The following SAPCD1 variants were observed in gnomAD, a reference collection of about 807,000 sequenced individuals.
The protein encoded by SAPCD1 is suppressor APC domain-containing protein 1.
A neutral mutation model predicts 20.7 loss-of-function variants in SAPCD1; 16 were observed. The ratio of observed to expected loss-of-function variants is 0.77; its 90% confidence interval spans 0.52 to 1.17. The LOEUF (loss-of-function observed/expected upper bound fraction) is 1.17. SAPCD1 is among the 50% of genes most tolerant of loss of function. The pLI is 0.00. For missense variants in SAPCD1, 173 were observed against 209.9 expected, an observed-to-expected ratio of 0.82 and a Z score of 1.09; for synonymous variants, 77 against 84.8, an observed-to-expected ratio of 0.91 and a Z score of 0.50.
At chr6:31,762,784 C>A, upstream of SAPCD1, 1 of 547,958 alleles carries the variant, frequency 1.8e-6, no homozygotes, top group East Asian at 3.0e-5. Flanking sequence ...AGTGTTGTTG[C>A]TGTAGGAAGA....
At position 31,763,200 on chromosome 6, in the gene SAPCD1, G is replaced by C; in HGVS notation, c.114+32G>C. ...ATCAGCCCAACAAGAGGTCCCAGGG[G>C]AACTCTCTCAATAGATCTGCCCTTT... On this transcript the variant is annotated intron_variant, in intron 1 of 4. Coordinates refer to ENST00000415669, the Ensembl canonical transcript of SAPCD1. This position sits in a 1 kb window ranked among gnomAD's most constrained non-coding sequence, Gnocchi z 4.9. 7.4e-7 allele frequency: 1 copy of C among 1,343,982 alleles called. No homozygotes were observed. The highest frequency in any genetic ancestry group is 1.0e-6 in the Non-Finnish European group (1 of 967,676). 83.3% of individuals were successfully genotyped at this position (1,343,982 alleles called of 1,614,324 possible). A position where few individuals can be genotyped will look rare whatever the true frequency, so the allele number is the denominator to read the frequency against.
Position 31,763,494 on chromosome 6 carries a change from G to A in SAPCD1, c.194G>A (p.Trp65Ter). The A allele has an allele frequency of 6.2e-7, 1 of 1,612,988 alleles. No individual in the cohort carries two copies. The highest frequency in any genetic ancestry group is 8.5e-7 in the Non-Finnish European group (1 of 1,179,996). The change falls in exon 2 of 5, where the codon TGG (tryptophan) becomes TAG (stop). Residue 65 changes from tryptophan (W) to a stop codon, truncating the protein, a stop_gained. Coordinates refer to ENST00000415669, the Ensembl canonical transcript of SAPCD1. LOFTEE classifies it high-confidence loss of function. The surrounding 1 kb of genome is among the most constrained non-coding windows in gnomAD (Gnocchi z 4.9). ...GAGCTGCTACAGCATGGCCAGGCCT[G>A]GTTTGAAGACCATCTGAGGGAGGCA...
rs1205249232 is a variant in SAPCD1 at position 31,763,245 on chromosome 6, G to A, written c.114+77G>A. On this transcript the variant is annotated intron_variant, in intron 1 of 4. Transcript: ENST00000415669. The surrounding 1 kb of genome is among the most constrained non-coding windows in gnomAD (Gnocchi z 4.9). ...CCCTTTATATTTCCATTCAACTTGAGGGCCCACAGTGTTCCCGCCTGCCTC... is the reference window on the plus strand; with the variant it reads ...CCCTTTATATTTCCATTCAACTTGAAGGCCCACAGTGTTCCCGCCTGCCTC... 2 of 1,195,656 alleles carry A rather than the reference G, an allele frequency of 1.7e-6. No individual in the cohort carries two copies. Among genetic ancestry groups the A allele is most frequent in the Non-Finnish European group, 2.4e-6 (2 of 836,022 alleles). The allele number at this position is 1,195,656 out of a possible 1,614,324, so 74.1% of individuals were successfully genotyped here. A position where few individuals can be genotyped will look rare whatever the true frequency, so the allele number is the denominator to read the frequency against.
Position 31,763,719 on chromosome 6 carries a change from T to C in SAPCD1, c.255+164T>C, listed in dbSNP as rs1811244269. 2.9e-6 allele frequency: 2 copies of C among 679,678 alleles called. No individual in the cohort carries two copies. Among genetic ancestry groups the C allele is most frequent in the Non-Finnish European group, 4.9e-6 (2 of 407,190 alleles). 42.1% of individuals were successfully genotyped at this position (679,678 alleles called of 1,614,324 possible). A position where few individuals can be genotyped will look rare whatever the true frequency, so the allele number is the denominator to read the frequency against. On this transcript the variant is annotated intron_variant, in intron 2 of 4. Coordinates refer to ENST00000415669, the Ensembl canonical transcript of SAPCD1. The surrounding 1 kb of genome is among the most constrained non-coding windows in gnomAD (Gnocchi z 4.9). ...TGACAGGATGCCACCAAGTGTTAAG[T>C]TGGTGTTCATTGTTGGGGCTGGAGG... is the stretch of plus-strand genomic sequence containing the variant.
chr6:31,763,234 A>T lies in SAPCD1; in HGVS notation c.114+66A>T. ...CAATAGATCTGCCCTTTATATTTCC[A>T]TTCAACTTGAGGGCCCACAGTGTTC... is the stretch of plus-strand genomic sequence containing the variant. On this transcript the variant is annotated intron_variant, in intron 1 of 4. Transcript: ENST00000415669. The surrounding 1 kb of genome is among the most constrained non-coding windows in gnomAD (Gnocchi z 4.9). 1 of 1,215,330 alleles carries T rather than the reference A, an allele frequency of 8.2e-7. No individual in the cohort carries two copies. Among genetic ancestry groups the T allele is most frequent in the Non-Finnish European group, 1.2e-6 (1 of 855,242 alleles). 75.3% of individuals were successfully genotyped at this position (1,215,330 alleles called of 1,614,324 possible). A position where few individuals can be genotyped will look rare whatever the true frequency, so the allele number is the denominator to read the frequency against.
Position 31,764,476 on chromosome 6 carries a change from A to T in SAPCD1, c.482A>T (p.Glu161Val). 6.2e-7 allele frequency: 1 copy of T among 1,614,152 alleles called. No homozygotes were observed. The highest frequency in any genetic ancestry group is 1.3e-5 in the African/African-American group (1 of 75,056). The stretch of plus-strand genomic sequence containing the variant: ...CAGAAAGGAGTCACCCAGCCAAAGG[A>T]GGAGATGGCTCAGCGGGGCTGCACC... The change falls in exon 5 of 5, where the codon GAG becomes GTG. Residue 161 changes from glutamate (E) to valine (V), a missense_variant. Coordinates refer to ENST00000415669, the Ensembl canonical transcript of SAPCD1. This position sits in a 1 kb window ranked among gnomAD's most constrained non-coding sequence, Gnocchi z 4.7.
Position 31,763,357 on chromosome 6 carries a change from C to T in SAPCD1, c.115-58C>T. 6.2e-7 allele frequency: 1 copy of T among 1,607,092 alleles called. No homozygotes were observed. The highest frequency in any genetic ancestry group is 8.5e-7 in the Non-Finnish European group (1 of 1,175,116). ...CCCAACTAGGGGTGGAGAGAAAGGG[C>T]CATAACCCAGAGCCCTACTGTGGCG... is the stretch of plus-strand genomic sequence containing the variant. On this transcript the variant is annotated intron_variant, in intron 1 of 4. Coordinates refer to ENST00000415669, the Ensembl canonical transcript of SAPCD1. This position sits in a 1 kb window ranked among gnomAD's most constrained non-coding sequence, Gnocchi z 4.9.
chr6:31,763,123 G>A lies in SAPCD1; in HGVS notation c.69G>A (p.Leu23=). The change falls in exon 1 of 5, where the codon CTG becomes CTA. Residue 23 remains leucine, a synonymous_variant. Transcript: ENST00000415669. This position sits in a 1 kb window ranked among gnomAD's most constrained non-coding sequence, Gnocchi z 4.9. ...CCTACACAGTCCTGCTGCTGCCGCT[G>A]GGGACAAGCCGCCAAGACCCAGGGG... 1 of 1,565,432 alleles carries A rather than the reference G, an allele frequency of 6.4e-7. No homozygotes were observed. Among genetic ancestry groups the A allele is most frequent in the Non-Finnish European group, 8.6e-7 (1 of 1,161,842 alleles).
Position 31,763,306 on chromosome 6 carries a change from T to C in SAPCD1, c.115-109T>C. On this transcript the variant is annotated intron_variant, in intron 1 of 4. Transcript: ENST00000415669. This position sits in a 1 kb window ranked among gnomAD's most constrained non-coding sequence, Gnocchi z 4.9. ...CCAGGTCCTCAGTGGCCAGTCTGGG[T>C]TCACACTCAGTGACCACACAGTGAA... 2 of 1,471,046 alleles carry C rather than the reference T, an allele frequency of 1.4e-6. No homozygotes were observed. The highest frequency in any genetic ancestry group is 1.7e-4 in the Middle Eastern group (1 of 5,812). The allele number at this position is 1,471,046 out of a possible 1,614,324, so 91.1% of individuals were successfully genotyped here. A position where few individuals can be genotyped will look rare whatever the true frequency, so the allele number is the denominator to read the frequency against.
Position 31,764,789 on chromosome 6 carries a change from C to T in SAPCD1, c.*258C>T. 1 of 481,572 alleles carries T rather than the reference C, an allele frequency of 2.1e-6. No individual in the cohort carries two copies. The highest frequency in any genetic ancestry group is 3.7e-6 in the Non-Finnish European group (1 of 273,698). 29.8% of individuals were successfully genotyped at this position (481,572 alleles called of 1,614,324 possible). On this transcript the variant is annotated 3_prime_UTR_variant, in exon 5 of 5. Transcript: ENST00000415669. The surrounding 1 kb of genome is among the most constrained non-coding windows in gnomAD (Gnocchi z 4.7). ...GAAGAAGCATGTTTATTGAAACTGT[C>T]CTTCAGCCTTAAATACAAAAATAAA... is the stretch of plus-strand genomic sequence containing the variant.
Position 31,763,650 on chromosome 6 carries a change from G to A in SAPCD1, c.255+95G>A. 2.6e-6 allele frequency: 3 copies of A among 1,174,800 alleles called. 1 individual carries two copies. The South Asian group carries it at 4.3e-5, about 17-fold the overall frequency. 72.8% of individuals were successfully genotyped at this position (1,174,800 alleles called of 1,614,324 possible). On this transcript the variant is annotated intron_variant, in intron 2 of 4. Transcript: ENST00000415669. This position sits in a 1 kb window ranked among gnomAD's most constrained non-coding sequence, Gnocchi z 4.9. ...CAGCCTGAGACCACTCTGGAGAGGG[G>A]AGAGTTAATGGTCAGGGATCATGAG... is the stretch of plus-strand genomic sequence containing the variant.
At chr6:31,762,993 A>T, upstream of SAPCD1, 1 of 884,842 alleles carries the variant, frequency 1.1e-6, no homozygotes, top group Non-Finnish European at 1.8e-6. Context: ...GCAGGGGTGG[A>T]GGGGAGGGAC....
chr6:31,763,944 G>A lies in SAPCD1; in HGVS notation c.256-120G>A. 1 of 720,910 alleles carries A rather than the reference G, an allele frequency of 1.4e-6. No individual in the cohort carries two copies. Among genetic ancestry groups the A allele is most frequent in the South Asian group, 1.5e-5 (1 of 64,698 alleles). 44.7% of individuals were successfully genotyped at this position (720,910 alleles called of 1,614,324 possible). On this transcript the variant is annotated intron_variant, in intron 2 of 4. Transcript: ENST00000415669. This position sits in a 1 kb window ranked among gnomAD's most constrained non-coding sequence, Gnocchi z 4.9. ...TGGAGAGTACTGGATTTTCCCACCT[G>A]CCTGGGAGGGTACTGGGACGAGGGG...
upstream of SAPCD1, chr6:31,762,683 G>T (rs539498736): frequency 1.7e-6 from 1 of 589,274 alleles, no homozygotes. Context: ...GAAAGATATT[G>T]TTTCTTTAGT....
In SAPCD1 at chr6:31,763,822, G is replaced by GGCAC; in HGVS notation, c.256-239_256-238insCGCA. ...GGTGTGGCCTGGATTATTCCAATGGGGCAGGGATGGACAGGGAGGCTCCAT... is the reference window on the plus strand; with the variant it reads ...GGTGTGGCCTGGATTATTCCAATGGGGCACGCAGGGATGGACAGGGAGGCTCCAT... On this transcript the variant is annotated intron_variant, in intron 2 of 4. Coordinates refer to ENST00000415669, the Ensembl canonical transcript of SAPCD1. The surrounding 1 kb of genome is among the most constrained non-coding windows in gnomAD (Gnocchi z 4.9). 1 of 604,116 alleles carries GGCAC rather than the reference G, an allele frequency of 1.7e-6. No homozygotes were observed. The highest frequency in any genetic ancestry group is 2.9e-6 in the Non-Finnish European group (1 of 340,786). 37.4% of individuals were successfully genotyped at this position (604,116 alleles called of 1,614,324 possible).
rs757349724 is a variant in SAPCD1 at position 31,764,275 on chromosome 6, A to G, written c.361A>G (p.Ser121Gly). The change falls in exon 4 of 5, where the codon AGT becomes GGT. Residue 121 changes from serine (S) to glycine (G), a missense_variant. Transcript: ENST00000415669. This position sits in a 1 kb window ranked among gnomAD's most constrained non-coding sequence, Gnocchi z 4.7. ...CGAATTTCCCCTCCAGTTCTCCCCAAGTCCACTGAACAAGGCTAGTTCCTG... is the reference window on the plus strand; with the variant it reads ...CGAATTTCCCCTCCAGTTCTCCCCAGGTCCACTGAACAAGGCTAGTTCCTG... 4 of 1,614,034 alleles carry G rather than the reference A, an allele frequency of 2.5e-6. No individual in the cohort carries two copies. The highest frequency in any genetic ancestry group is 3.4e-6 in the Non-Finnish European group (4 of 1,179,978).
upstream of SAPCD1, chr6:31,762,739 C>T: frequency 7.1e-6 from 4 of 561,868 alleles, no homozygotes; most frequent in South Asian, 1.0e-4. Flanking sequence ...GAGCAGGAGT[C>T]CACAGGGGAA....
chr6:31,762,819 T>C (rs1811143069), upstream of SAPCD1: 31 of 544,736 alleles, frequency 5.7e-5, 1 homozygote, highest in East Asian at 9.3e-4. Context: ...CCCAGGATAC[T>C]TCATGAGAAC....
Position 31,763,250 on chromosome 6 carries a change from C to T in SAPCD1, c.114+82C>T. On this transcript the variant is annotated intron_variant, in intron 1 of 4. Coordinates refer to ENST00000415669, the Ensembl canonical transcript of SAPCD1. The surrounding 1 kb of genome is among the most constrained non-coding windows in gnomAD (Gnocchi z 4.9). The stretch of plus-strand genomic sequence containing the variant: ...TATATTTCCATTCAACTTGAGGGCC[C>T]ACAGTGTTCCCGCCTGCCTCCCCTT... 3 of 1,192,252 alleles carry T rather than the reference C, an allele frequency of 2.5e-6. No homozygotes were observed. The highest frequency in any genetic ancestry group is 1.4e-5 in the South Asian group (1 of 73,810). The allele number at this position is 1,192,252 out of a possible 1,614,324, so 73.9% of individuals were successfully genotyped here. A position where few individuals can be genotyped will look rare whatever the true frequency, so the allele number is the denominator to read the frequency against.
Sources: gnomAD v4.1 joint callset for allele counts on GRCh38, gnomAD v4.1.1 for gene constraint, Gnocchi (gnomAD v3.1) non-coding constraint, MANE v1.5 for transcripts, NCBI Gene and HGNC (gene_info 2026-07-23, HGNC 2026-07-21) for gene names.